Variants in TEKT1 observed in about 807,000 individuals in gnomAD.
TEKT1 encodes the protein tektin-1.
TEKT1 carries 32 observed loss-of-function variants against 34.8 expected under a neutral mutation model. That is an observed-to-expected ratio of 0.92 (90% confidence interval 0.69 to 1.23). The LOEUF (loss-of-function observed/expected upper bound fraction) is 1.23. Ranked by LOEUF, TEKT1 falls within the 50% of genes most tolerant of loss-of-function variation. The probability of loss-of-function intolerance (pLI) is 0.00; values close to 1 mark genes in which losing one functional copy is unlikely to be tolerated. For synonymous variants in TEKT1, 207 were observed against 199.8 expected (o/e 1.04, Z -0.30); for missense variants, 492 against 518.5 (o/e 0.95, Z 0.50).
At chr17:6,806,814 G>A (rs906924360) in intron 6 of TEKT1, among the ~76,000 whole-genome samples, 1 of 152,206 alleles carries the variant, frequency 6.6e-6, no homozygotes, top group Non-Finnish European at 1.5e-5. Context: ...CTTCTGGCTT[G>A]TAGAGTTTCT....
chr17:6,808,060 C>G (rs376078217), intron 6 of TEKT1, among the ~76,000 whole-genome samples: 2 of 152,200 alleles, frequency 1.3e-5, no homozygotes, highest in African/African-American at 4.8e-5. Context: ...TACCCTCCCC[C>G]AGAGGTGGAG....
chr17:6,816,615 TTAATC>T (rs1376288375), intron 3 of TEKT1, among the ~76,000 whole-genome samples: 1 of 152,244 alleles, frequency 6.6e-6, no homozygotes, highest in Non-Finnish European at 1.5e-5. Flanking sequence ...CCACATTTTC[TTAATC>T]TAGTCTATTA....
In TEKT1 at chr17:6,824,710, A is replaced by C. The variant is rs377666176; in HGVS notation, c.191-5352T>G. 6.6e-5 allele frequency among the ~76,000 whole-genome samples: 10 copies of C among 152,322 alleles called. No homozygotes were observed. In the South Asian group the frequency reaches 1.9e-3, roughly 28 times the overall value. The stretch of plus-strand genomic sequence containing the variant: ...AGTCTTTTTCAATTTTATACTCCTA[A>C]GCATCTAGCACAGGGTCAGACCTAT... On this transcript the variant is annotated intron_variant, in intron 2 of 7. Transcript: ENST00000338694.
intron 2 of TEKT1, 28 bp from the exon 3 acceptor site, chr17:6,819,386 G>A (rs1977056187): frequency 6.3e-7 from 1 of 1,593,330 alleles, no homozygotes; most frequent in African/African-American, 1.3e-5. Flanking sequence ...GTTACACCAG[G>A]GCTAATCTAT....
Position 6,799,870 on chromosome 17 carries a change from A to G in TEKT1, c.*157T>C. 3 of 616,350 alleles carry G rather than the reference A, an allele frequency of 4.9e-6. No homozygotes were observed. The highest frequency in any genetic ancestry group is 8.1e-6 in the Non-Finnish European group (3 of 370,894). The allele number at this position is 616,350 out of a possible 1,614,324, so 38.2% of individuals were successfully genotyped here. On this transcript the variant is annotated 3_prime_UTR_variant, in exon 8 of 8. Coordinates refer to ENST00000338694, the MANE Select transcript of TEKT1 (RefSeq NM_053285.2). ...ACACCACACCAGCATAAGAGAAGAA[A>G]CTCGCCCCAAAATCAGCCCCCTGAG...
intron 2 of TEKT1, among the ~76,000 whole-genome samples, chr17:6,821,213 C>A (rs896391240): frequency 3.3e-5 from 5 of 152,156 alleles, no homozygotes; most frequent in Non-Finnish European, 7.3e-5. Context: ...TGTCCCCACC[C>A]AAATCTCATC....
At chr17:6,806,190 C>T (rs564217510) in intron 6 of TEKT1, among the ~76,000 whole-genome samples, 5 of 152,298 alleles carry the variant, frequency 3.3e-5, no homozygotes, top group African/African-American at 1.2e-4. Context: ...GTTAGCTCTT[C>T]TTGTTGAATT....
intron 2 of TEKT1, among the ~76,000 whole-genome samples, chr17:6,829,914 GAT>G (rs1421174254): frequency 6.6e-6 from 1 of 152,096 alleles, no homozygotes; most frequent in Non-Finnish European, 1.5e-5. Context: ...CATTCCCTGT[GAT>G]ATGCCTAGTG....
chr17:6,813,551 G>GAC (rs34316443), intron 5 of TEKT1, among the ~76,000 whole-genome samples: 13,731 of 135,012 alleles, frequency 0.1, 751 homozygotes, highest in African/African-American at 0.13. Context: ...GAAGAAACCA[G>GAC]ACACACACAC....
At chr17:6,802,359 C>T (rs1436324408) in intron 6 of TEKT1, among the ~76,000 whole-genome samples, 1 of 151,954 alleles carries the variant, frequency 6.6e-6, no homozygotes, top group Non-Finnish European at 1.5e-5. Context: ...TACTTAAAGT[C>T]CTTTGAATAT....
chr17:6,798,978 T>G lies in TEKT1; in HGVS notation c.*1049A>C, dbSNP rs937798072. ...ACCGGGGAACCAAATGTTAGCAGAG[T>G]GTAGCAGCAGCTTCACACATGGGAG... On this transcript the variant is annotated 3_prime_UTR_variant, in exon 8 of 8. Coordinates refer to ENST00000338694, the MANE Select transcript of TEKT1 (RefSeq NM_053285.2). 3 of 152,108 alleles carry G rather than the reference T, an allele frequency of 2.0e-5. No homozygotes were observed. Among genetic ancestry groups the G allele is most frequent in the Non-Finnish European group, 4.4e-5 (3 of 68,008 alleles). 9.4% of individuals were successfully genotyped at this position (152,108 alleles called of 1,614,324 possible).
chr17:6,810,883 C>A (rs532729079), intron 6 of TEKT1, among the ~76,000 whole-genome samples: 1 of 152,078 alleles, frequency 6.6e-6, no homozygotes, highest in African/African-American at 2.4e-5. Context: ...TGATTACAGG[C>A]GCCTGCCACC....
At chr17:6,819,739 G>GT (rs1353761602) in intron 2 of TEKT1, among the ~76,000 whole-genome samples, 1 of 152,210 alleles carries the variant, frequency 6.6e-6, no homozygotes, top group Admixed American at 6.5e-5. Context: ...CCAGGCTGGA[G>GT]TGCAGTGGTG....
At chr17:6,819,385 G>C in intron 2 of TEKT1, 27 bp from the exon 3 acceptor site, 1 of 1,593,984 alleles carries the variant, frequency 6.3e-7, no homozygotes, top group Non-Finnish European at 8.5e-7. Context: ...AGTTACACCA[G>C]GGCTAATCTA....
intron 3 of TEKT1, among the ~76,000 whole-genome samples, chr17:6,816,234 A>T (rs1028946081): frequency 2.0e-5 from 3 of 151,640 alleles, no homozygotes; most frequent in African/African-American, 7.3e-5. Context: ...TTTTCTTTGT[A>T]TTTTTTTTAA....
In TEKT1 at chr17:6,800,119, G is replaced by A. The variant is rs912015768; in HGVS notation, c.1165C>T (p.Leu389=). ...ATGGATTTCCTCATCTGCATACACA[G>A]CACTTCGTCGATATAAATGGTGTTC... ...KENTIYIDEV[L]CMQMRKSIPL... Residue 389 remains leucine, a synonymous_variant, in exon 8 of 8, where the codon CTG becomes TTG. Transcript: ENST00000338694. The A allele has an allele frequency of 1.9e-6, 3 of 1,614,060 alleles. No individual in the cohort carries two copies. Among genetic ancestry groups the A allele is most frequent in the Middle Eastern group, 1.7e-4 (1 of 6,058 alleles).
At chr17:6,814,410 G>A (rs1976973974) in intron 5 of TEKT1, among the ~76,000 whole-genome samples, 1 of 152,184 alleles carries the variant, frequency 6.6e-6, no homozygotes, top group Non-Finnish European at 1.5e-5. Context: ...ATGCAAATTA[G>A]ATGTCACAGA....
chr17:6,820,916 T>C (rs1409780541), intron 2 of TEKT1, among the ~76,000 whole-genome samples: 1 of 152,236 alleles, frequency 6.6e-6, no homozygotes, highest in Non-Finnish European at 1.5e-5. Flanking sequence ...GTCTTTATTC[T>C]ACCCTCGACA....
chr17:6,820,535 T>C (rs1977072815), intron 2 of TEKT1, among the ~76,000 whole-genome samples: 2 of 152,192 alleles, frequency 1.3e-5, no homozygotes, highest in Admixed American at 1.3e-4. Context: ...CATTATGAGA[T>C]AGTAAAATGG....
Sources: allele counts gnomAD v4.1 joint callset (sites outside exome capture counted in the v4.1 genomes callset), GRCh38; gene constraint gnomAD v4.1.1; transcripts MANE v1.5; gene names NCBI Gene and HGNC (gene_info 2026-07-23, HGNC 2026-07-21).